The following TAFA1 variants were observed in gnomAD, a reference collection of about 807,000 sequenced individuals.
The protein encoded by TAFA1 is chemokine-like protein TAFA-1.
TAFA1 carries 4 observed loss-of-function variants against 18.5 expected under a neutral mutation model. The observed-to-expected ratio is 0.22, with a 90% confidence interval of 0.11 to 0.49. TAFA1 has a LOEUF of 0.49. Among genes scored for constraint, TAFA1 ranks in the 20% least tolerant of loss-of-function variants. The pLI is 0.98. For synonymous variants in TAFA1, 56 were observed against 55.2 expected (o/e 1.01, Z -0.06); for missense variants, 147 against 169.0 (o/e 0.87, Z 0.72).
intron 2 of TAFA1, among the ~76,000 whole-genome samples, chr3:68,413,148 T>A (rs2070746799): frequency 6.6e-6 from 1 of 152,252 alleles, no homozygotes; most frequent in Admixed American, 6.5e-5. Context: ...CATTTTTTCA[T>A]GTGTCTGTTG....
chr3:68,085,952 C>A (rs2064965768), intron 2 of TAFA1, among the ~76,000 whole-genome samples: 1 of 152,158 alleles, frequency 6.6e-6, no homozygotes, highest in Non-Finnish European at 1.5e-5. Flanking sequence ...ATCTTTATTG[C>A]AGAAGATGAA....
intron 2 of TAFA1, among the ~76,000 whole-genome samples, chr3:68,295,109 C>CCATATATTTGCT (rs112993124): frequency 0.61 from 90,289 of 148,330 alleles, 27,265 homozygotes; most frequent in East Asian, 0.82. Context: ...CCTCCTGAGC[C>CCATATATTTGCT]CTAACAGTTG....
At chr3:67,995,041 A>T in the TAFA1 span, among the ~76,000 whole-genome samples, 2 of 152,228 alleles carry the variant, frequency 1.3e-5, no homozygotes, top group Non-Finnish European at 1.5e-5. Context: ...GTTAAATATG[A>T]ACTAGAAAAA....
intron 3 of TAFA1, among the ~76,000 whole-genome samples, chr3:68,487,186 T>G (rs983165366): frequency 2.6e-5 from 4 of 152,226 alleles, no homozygotes; most frequent in Non-Finnish European, 4.4e-5. Context: ...AATATTATAA[T>G]GTCAGGGAAG....
chr3:68,474,286 G>A (rs2072051621), intron 3 of TAFA1, among the ~76,000 whole-genome samples: 1 of 152,070 alleles, frequency 6.6e-6, no homozygotes, highest in Non-Finnish European at 1.5e-5. Flanking sequence ...ACTATACCAG[G>A]CTTCTTCATT....
chr3:68,352,010 A>T (rs1208857995), intron 2 of TAFA1, among the ~76,000 whole-genome samples: 2 of 151,968 alleles, frequency 1.3e-5, no homozygotes, highest in African/African-American at 4.8e-5. Context: ...AGCAGTGTGG[A>T]ATGCTCTATT....
chr3:68,292,718 A>T (rs2068132902), intron 2 of TAFA1, among the ~76,000 whole-genome samples: 1 of 151,868 alleles, frequency 6.6e-6, no homozygotes, highest in African/African-American at 2.4e-5. Flanking sequence ...TTTTGTTTTA[A>T]CTTTTTGGTA....
intron 2 of TAFA1, among the ~76,000 whole-genome samples, chr3:68,403,727 G>A (rs1485137938): frequency 1.3e-5 from 2 of 152,184 alleles, no homozygotes; most frequent in Non-Finnish European, 2.9e-5. Flanking sequence ...AGCTGAAAAT[G>A]TTTATTATCT....
intron 2 of TAFA1, among the ~76,000 whole-genome samples, chr3:68,324,420 C>T (rs565845195): frequency 1.3e-5 from 2 of 152,238 alleles, no homozygotes; most frequent in African/African-American, 4.8e-5. Context: ...CCGAAGCATA[C>T]TAGGAACACA....
At chr3:68,475,338 T>A (rs1241547172) in intron 3 of TAFA1, among the ~76,000 whole-genome samples, 2 of 149,514 alleles carry the variant, frequency 1.3e-5, no homozygotes, top group Non-Finnish European at 3.0e-5. Context: ...GTCCCCTGTG[T>A]GTGATGTTCC....
chr3:68,206,669 A>G (rs931537380), intron 2 of TAFA1, among the ~76,000 whole-genome samples: 2 of 151,944 alleles, frequency 1.3e-5, no homozygotes, highest in Non-Finnish European at 2.9e-5. Context: ...TGGATTGGTC[A>G]TATCTGGCAA....
chr3:68,341,155 G>T lies in TAFA1; in HGVS notation c.119-76125G>T, dbSNP rs1326189687. On this transcript the variant is annotated intron_variant, in intron 2 of 4. Coordinates refer to ENST00000478136, the MANE Select transcript of TAFA1 (RefSeq NM_213609.4). ...AATTCACACAGAGGTGGCTGTGTGG[G>T]AGACCATAGTTTTATTAATACTCAA... 2.0e-5 allele frequency among the ~76,000 whole-genome samples: 3 copies of T among 152,190 alleles called. No homozygotes were observed. In the East Asian group the frequency reaches 5.8e-4, roughly 29 times the overall value.
intron 2 of TAFA1, among the ~76,000 whole-genome samples, chr3:68,397,022 G>T (rs1465991348): frequency 6.6e-6 from 1 of 152,028 alleles, no homozygotes; most frequent in Non-Finnish European, 1.5e-5. Flanking sequence ...TTGCCATTTT[G>T]TTTGGAGGAA....
intron 2 of TAFA1, among the ~76,000 whole-genome samples, chr3:68,113,910 T>G (rs1485623178): frequency 2.1e-5 from 3 of 145,482 alleles, no homozygotes; most frequent in South Asian, 2.3e-4. Context: ...TTTTTTTTTT[T>G]TTTTTTTTTT....
At chr3:68,205,470 T>G (rs1187514961) in intron 2 of TAFA1, among the ~76,000 whole-genome samples, 1 of 151,878 alleles carries the variant, frequency 6.6e-6, no homozygotes, top group Non-Finnish European at 1.5e-5. Flanking sequence ...AAGGCACAAA[T>G]TCTCTCGGTC....
intron 2 of TAFA1, among the ~76,000 whole-genome samples, chr3:68,050,623 T>C (rs2064458946): frequency 6.6e-6 from 1 of 152,150 alleles, no homozygotes. Flanking sequence ...GCCTTATGGG[T>C]AAGAGCCTCG....
intron 2 of TAFA1, among the ~76,000 whole-genome samples, chr3:68,215,614 T>G (rs1217100887): frequency 6.6e-6 from 1 of 151,998 alleles, no homozygotes; most frequent in African/African-American, 2.4e-5. Flanking sequence ...ACATTTCTGA[T>G]AAGGGACGAT....
intron 2 of TAFA1, among the ~76,000 whole-genome samples, chr3:68,182,377 C>A (rs1325566172): frequency 1.3e-5 from 2 of 152,088 alleles, no homozygotes; most frequent in Non-Finnish European, 2.9e-5. Flanking sequence ...TATGGAGATA[C>A]AAATGAATGA....
At chr3:68,345,680 C>T (rs1328668297) in intron 2 of TAFA1, among the ~76,000 whole-genome samples, 1 of 152,104 alleles carries the variant, frequency 6.6e-6, no homozygotes, top group African/African-American at 2.4e-5. Context: ...TGGAAAACAC[C>T]TTACAGCTAG....
Sources: gnomAD v4.1 joint callset for allele counts (sites outside exome capture counted in the v4.1 genomes callset) on GRCh38, gnomAD v4.1.1 for gene constraint, MANE v1.5 for transcripts, NCBI Gene and HGNC (gene_info 2026-07-23, HGNC 2026-07-21) for gene names.